The following NME9 variants were observed in gnomAD, a reference collection of about 807,000 sequenced individuals.
NME9 encodes thioredoxin domain-containing protein 6.
Under a neutral mutation model 44.4 loss-of-function variants are expected in NME9, and 48 were observed. The observed-to-expected ratio is 1.08, with a 90% CI of 0.86 to 1.37. The LOEUF is 1.37. NME9 is among the 40% of genes most tolerant of loss of function. The pLI is 0.00. For synonymous variants in NME9, 139 were observed against 147.1 expected (o/e 0.94, Z 0.40); for missense variants, 325 against 405.2 (o/e 0.80, Z 1.70).
chr3:138,289,146 G>GA lies in NME9; in HGVS notation c.745+14360dup. On this transcript the variant is annotated intron_variant, in intron 8 of 8. Transcript: ENST00000317876. ...GTAAGAGATTGGTGAGATTTGTTTT[G>GA]AAAAAAATTATGGGAAGAGTGTCTT... 1.9e-6 allele frequency: 3 copies of GA among 1,580,146 alleles called. No homozygotes were observed. The South Asian group carries it at 3.4e-5, about 18-fold the overall frequency.
chr3:138,264,991 C>T (rs1048457506), intron 8 of NME9, among the ~76,000 whole-genome samples: 2 of 151,828 alleles, frequency 1.3e-5, no homozygotes, highest in South Asian at 2.1e-4. Flanking sequence ...TTGTGCCCCC[C>T]GGCCCAAGTG....
At chr3:138,283,739 T>G (rs1239490074) in intron 8 of NME9, among the ~76,000 whole-genome samples, 1 of 152,260 alleles carries the variant, frequency 6.6e-6, no homozygotes, top group Non-Finnish European at 1.5e-5. Context: ...TTGAGAAGAC[T>G]GCAGTCATCA....
In NME9 at chr3:138,283,135, G is replaced by A. The variant is rs886653995; in HGVS notation, c.745+20372C>T. The stretch of plus-strand genomic sequence containing the variant: ...TGTTTCATGTCTACTGTGTCTCAGA[G>A]GCAGCCTTTTCTGGTTTCACACCTC... On this transcript the variant is annotated intron_variant, in intron 8 of 8. Transcript: ENST00000317876. Among the ~76,000 whole-genome samples the A allele has an allele frequency of 2.6e-5, 4 of 152,146 alleles. No individual in the cohort carries two copies. The South Asian group carries it at 6.2e-4, about 24-fold the overall frequency.
At position 138,315,566 on chromosome 3, in the gene NME9, G is replaced by C; in HGVS notation, c.345C>G (p.Ala115=). 1.3e-6 allele frequency: 2 copies of C among 1,536,528 alleles called. No homozygotes were observed. The highest frequency in any genetic ancestry group is 1.7e-6 in the Non-Finnish European group (2 of 1,147,002). ...LQKTILDQLE[A]EKKVLAEGRE... ...TGCCTTCAGCCAGCACTTTCTTTTC[G>C]GCCTCCAGCTGGTCTAGGATGGTTT... Residue 115 remains alanine (A), a synonymous_variant, in exon 5 of 11, where the codon GCC becomes GCG. Transcript: ENST00000333911.
At chr3:138,295,923 C>G in intron 8 of NME9, 1 of 1,611,010 alleles carries the variant, frequency 6.2e-7, no homozygotes, top group Non-Finnish European at 8.5e-7. Context: ...TGCGAGCATC[C>G]CACCTCCTTG....
intron 8 of NME9, among the ~76,000 whole-genome samples, chr3:138,269,887 G>A (rs149414997): frequency 1.4e-5 from 2 of 143,740 alleles, no homozygotes; most frequent in East Asian, 4.3e-4. Flanking sequence ...TTCTCAAGGT[G>A]ATTTTTATGG....
chr3:138,290,410 G>C, intron 8 of NME9: 1 of 643,550 alleles, frequency 1.6e-6, no homozygotes, highest in East Asian at 2.8e-5. Context: ...CAACTACATT[G>C]GGAGAGGGTA....
At position 138,301,457 on chromosome 3, in the gene NME9, G is replaced by A. The variant is rs968275267; in HGVS notation, c.*183C>T. 5.2e-5 allele frequency: 63 copies of A among 1,218,582 alleles called. No individual in the cohort carries two copies. In the African/African-American group the frequency reaches 5.4e-4, roughly 10 times the overall value. The allele number at this position is 1,218,582 out of a possible 1,614,324, so 75.5% of individuals were successfully genotyped here. A position where few individuals can be genotyped will look rare whatever the true frequency, so the allele number is the denominator to read the frequency against. On this transcript the variant is annotated 3_prime_UTR_variant, in exon 11 of 11. Transcript: ENST00000333911. ...TAATCTCAGGTGATCCACCTGCCTC[G>A]GCCTCCCAAAGTGCTGGGATTACAG... is the stretch of plus-strand genomic sequence containing the variant.
chr3:138,266,046 T>TA (rs1343334217), intron 8 of NME9, among the ~76,000 whole-genome samples: 2 of 152,210 alleles, frequency 1.3e-5, no homozygotes, highest in African/African-American at 4.8e-5. Context: ...AATATGGTCT[T>TA]ATGAGGCCTA....
In NME9 at chr3:138,319,511, G is replaced by C. The variant is rs377579898; in HGVS notation, c.162C>G (p.Ile54Met). 2 of 1,612,748 alleles carry C rather than the reference G, an allele frequency of 1.2e-6. No individual in the cohort carries two copies. The highest frequency in any genetic ancestry group is 1.7e-5 in the Admixed American group (1 of 60,010). Residue 54 changes from isoleucine (I) to methionine (M), a missense_variant, in exon 3 of 11, where the codon ATC (isoleucine) becomes ATG (methionine). Physicochemically the swap from Ile to Met is conservative, Grantham distance 10. Transcript: ENST00000333911. ...AGTGCAGAAGGTCCAGGCCGACCTC[G>C]ATCCTCATCTTCTGGAAGAGGCTCA... ...PVVSLFQKMRIEVGLDLLHFA... is the reference protein window; with the variant it reads ...PVVSLFQKMRMEVGLDLLHFA...
At chr3:138,263,596 C>A in intron 8 of NME9, 1 of 738,332 alleles carries the variant, frequency 1.4e-6, no homozygotes, top group Non-Finnish European at 2.4e-6. Flanking sequence ...CCGCCCCCAG[C>A]GCAAGATGAT....
chr3:138,316,927 G>C (rs140827343), intron 4 of NME9, among the ~76,000 whole-genome samples: 1 of 152,130 alleles, frequency 6.6e-6, no homozygotes, highest in Admixed American at 6.6e-5. Context: ...AAGTCTCTAC[G>C]TTTGTACTCA....
chr3:138,319,127 G>C (rs1366017315), intron 3 of NME9, among the ~76,000 whole-genome samples: 1 of 152,178 alleles, frequency 6.6e-6, no homozygotes, highest in East Asian at 1.9e-4. Context: ...TTGAGGCTGG[G>C]AGGCAAAGGC....
intron 8 of NME9, among the ~76,000 whole-genome samples, chr3:138,269,467 A>G (rs1307839044): frequency 6.6e-6 from 1 of 152,202 alleles, no homozygotes; most frequent in African/African-American, 2.4e-5. Context: ...AAAGTACAGG[A>G]CTGTTTTGCT....
At chr3:138,281,047 T>C (rs2049857142) in intron 8 of NME9, among the ~76,000 whole-genome samples, 1 of 152,202 alleles carries the variant, frequency 6.6e-6, no homozygotes, top group Non-Finnish European at 1.5e-5. Context: ...TGGAAGCAAC[T>C]ATAGACAATA....
chr3:138,271,610 A>G (rs2048793676), intron 8 of NME9, among the ~76,000 whole-genome samples: 1 of 152,164 alleles, frequency 6.6e-6, no homozygotes, highest in Non-Finnish European at 1.5e-5. Context: ...TCTCTGCAAA[A>G]TATAAAACCT....
chr3:138,317,997 G>A, intron 4 of NME9, 151 bp downstream of exon 4: 1 of 638,894 alleles, frequency 1.6e-6, no homozygotes, highest in Non-Finnish European at 2.8e-6. Context: ...GGAGGCATCA[G>A]AGAAAACAGC....
chr3:138,285,746 C>G (rs1243290927), intron 8 of NME9, among the ~76,000 whole-genome samples: 1 of 152,188 alleles, frequency 6.6e-6, no homozygotes, highest in African/African-American at 2.4e-5. Context: ...TTGTGCACAA[C>G]TGTATATCCA....
Position 138,329,287 on chromosome 3 carries a change from GC to G in NME9, c.33+15del. 1 of 1,534,636 alleles carries G rather than the reference GC, an allele frequency of 6.5e-7. No individual in the cohort carries two copies. Among genetic ancestry groups the G allele is most frequent in the Non-Finnish European group, 8.7e-7 (1 of 1,145,682 alleles). ...GCCCAACCCAGAGCTGGAAGCTAGC[GC>G]CCCTTGAGGCTTACCTGCAGGGCAA... On this transcript the variant is annotated intron_variant, in intron 1 of 10. Transcript: ENST00000333911.
Sources: gnomAD v4.1 joint callset for allele counts (sites outside exome capture counted in the v4.1 genomes callset) on GRCh38, gnomAD v4.1.1 for gene constraint, MANE v1.5 for transcripts, NCBI Gene and HGNC (gene_info 2026-07-23, HGNC 2026-07-21) for gene names.